Variants in PIWIL4 observed in about 807,000 individuals in gnomAD.
The protein encoded by PIWIL4 is piwi like RNA-mediated gene silencing 4, also known as piwi-like protein 4.
Under a neutral mutation model 100.9 loss-of-function variants are expected in PIWIL4, and 50 were observed. The observed-to-expected ratio is 0.50, with a 90% CI of 0.39 to 0.63. The LOEUF is 0.63. Among genes scored for constraint, PIWIL4 ranks in the 20% least tolerant of loss-of-function variants. The pLI is 0.00. For missense variants in PIWIL4, 887 were observed against 1,043.3 expected (o/e 0.85, Z 2.06); for synonymous variants, 342 against 367.5 (o/e 0.93, Z 0.79).
chr11:94,585,512 A>G lies in PIWIL4; in HGVS notation c.703A>G (p.Ile235Val), dbSNP rs1471731601. Reference sequence around the variant, plus strand: ...CTATAATCCTTCAGAGCCAATGGAAATTCCCCAGCACAAGTAGGTTTATTT... The same window carrying G: ...CTATAATCCTTCAGAGCCAATGGAAGTTCCCCAGCACAAGTAGGTTTATTT... ...NFYNPSEPME[I>V]PQHKLSLWPG... Residue 235 changes from isoleucine to valine, a missense_variant, in exon 6 of 20, where the codon ATT (isoleucine) becomes GTT (valine). By Grantham distance (29) the Ile-to-Val change is conservative (BLOSUM62 3). This residue lies in a region of PIWIL4 where 741 missense variants were observed against 930.0 expected (regional missense o/e 0.80). Transcript: ENST00000299001. 6 of 1,608,236 alleles carry G rather than the reference A, an allele frequency of 3.7e-6. No homozygotes were observed. The highest frequency in any genetic ancestry group is 8.5e-7 in the Non-Finnish European group (1 of 1,177,162).
Position 94,567,535 on chromosome 11 carries a change from G to C in PIWIL4, c.17G>C (p.Arg6Pro). 1 of 1,601,932 alleles carries C rather than the reference G, an allele frequency of 6.2e-7. No homozygotes were observed. ...ACCGGGAACATGAGTGGAAGAGCCCGAGTGAAGGCCAGAGGCATCGCCCGC... is the reference window on the plus strand; with the variant it reads ...ACCGGGAACATGAGTGGAAGAGCCCCAGTGAAGGCCAGAGGCATCGCCCGC... MSGRA[R>P]VKARGIARSP... Residue 6 changes from arginine (R) to proline (P), a missense_variant, in exon 1 of 20, where the codon CGA becomes CCA. Physicochemically the swap from Arg to Pro is moderately radical, Grantham distance 103. Around this residue, in one of 2 missense-constraint regions of PIWIL4, gnomAD observed 146 missense variants for 113.4 expected, o/e 1.29. Coordinates refer to ENST00000299001, the MANE Select transcript of PIWIL4 (RefSeq NM_152431.3).
intron 2 of PIWIL4, among the ~76,000 whole-genome samples, chr11:94,569,329 T>C (rs1948115991): frequency 6.6e-6 from 1 of 152,032 alleles, no homozygotes; most frequent in Non-Finnish European, 1.5e-5. Context: ...GCATGTCTTG[T>C]AGCAACATGG....
At chr11:94,597,962 T>C (rs1948577601) in intron 11 of PIWIL4, 47 bp downstream of exon 11, 1 of 1,472,552 alleles carries the variant, frequency 6.8e-7, no homozygotes, top group Non-Finnish European at 9.4e-7. Context: ...TACTTGAATA[T>C]GTGTAAGTTT....
chr11:94,595,261 A>T, intron 9 of PIWIL4, 48 bp from the exon 10 acceptor site: 1 of 1,519,556 alleles, frequency 6.6e-7, no homozygotes, highest in Non-Finnish European at 9.1e-7. Flanking sequence ...TGATGGGCTG[A>T]GTTGCTTATG....
chr11:94,614,020 C>T (rs1454835833), intron 15 of PIWIL4, among the ~76,000 whole-genome samples: 1 of 152,088 alleles, frequency 6.6e-6, no homozygotes, highest in Non-Finnish European at 1.5e-5. Context: ...CCTCAGCCTC[C>T]CAAAGTGCTG....
intron 11 of PIWIL4, among the ~76,000 whole-genome samples, chr11:94,598,734 G>T (rs1168003280): frequency 7.1e-6 from 1 of 140,000 alleles, no homozygotes; most frequent in African/African-American, 2.7e-5. Context: ...TTTGAGACAG[G>T]TCTCATTCTG....
rs1948109861 is a variant in PIWIL4, at chr11:94,568,794, G to A, written c.152G>A (p.Arg51Lys). The change falls in exon 2 of 20, where the codon AGG becomes AAG. Residue 51 changes from arginine (R) to lysine (K), a missense_variant. Physicochemically the swap from Arg to Lys is conservative, Grantham distance 26. This residue lies in a region of PIWIL4 where 146 missense variants were observed against 113.4 expected (regional missense o/e 1.29). Coordinates refer to ENST00000299001, the MANE Select transcript of PIWIL4 (RefSeq NM_152431.3). ...AGCAATGGCTTCTTGGGAACAAGCAGGATCTCAACCAACGGTAAGTGCAGC... is the reference window on the plus strand; with the variant it reads ...AGCAATGGCTTCTTGGGAACAAGCAAGATCTCAACCAACGGTAAGTGCAGC... ...SSSNGFLGTSRISTNDKYGIS... is the reference protein window; with the variant it reads ...SSSNGFLGTSKISTNDKYGIS... 1.2e-6 allele frequency: 2 copies of A among 1,602,736 alleles called. No individual in the cohort carries two copies. Among genetic ancestry groups the A allele is most frequent in the Admixed American group, 1.7e-5 (1 of 59,982 alleles).
chr11:94,593,703 T>C (rs2135270352), intron 9 of PIWIL4, 62 bp downstream of exon 9: 2 of 1,560,858 alleles, frequency 1.3e-6, no homozygotes, highest in East Asian at 2.3e-5. Context: ...TGCTTGGCAG[T>C]GGGCAGACCC....
intron 7 of PIWIL4, among the ~76,000 whole-genome samples, chr11:94,588,420 A>C (rs1187718238): frequency 1.3e-5 from 2 of 152,186 alleles, no homozygotes; most frequent in African/African-American, 4.8e-5. Context: ...GCTGGATTCC[A>C]CACTACTCGG....
chr11:94,614,771 T>C (rs1565284440), intron 15 of PIWIL4, among the ~76,000 whole-genome samples: 1 of 152,214 alleles, frequency 6.6e-6, no homozygotes, highest in Non-Finnish European at 1.5e-5. Flanking sequence ...TTTCTATTCA[T>C]GTGCCCACTC....
chr11:94,579,901 C>G (rs1948290171), intron 4 of PIWIL4, among the ~76,000 whole-genome samples: 1 of 152,150 alleles, frequency 6.6e-6, no homozygotes, highest in Non-Finnish European at 1.5e-5. Flanking sequence ...AGATACATTT[C>G]TAGCACTAGT....
intron 4 of PIWIL4, among the ~76,000 whole-genome samples, chr11:94,580,768 T>C (rs1948299903): frequency 6.6e-6 from 1 of 152,170 alleles, no homozygotes; most frequent in Admixed American, 6.5e-5. Flanking sequence ...TTCTCCAGGT[T>C]ATCCTCAACA....
intron 16 of PIWIL4, among the ~76,000 whole-genome samples, chr11:94,617,386 T>C (rs777182169): frequency 8.5e-5 from 13 of 152,114 alleles, no homozygotes; most frequent in Non-Finnish European, 1.8e-4. Flanking sequence ...AGGTTTTCGT[T>C]GGGTAGCAGT....
In PIWIL4 at chr11:94,601,812, T is replaced by A; in HGVS notation, c.1398T>A (p.Ala466=). The A allele has an allele frequency of 6.2e-7, 1 of 1,613,974 alleles. No individual in the cohort carries two copies. The highest frequency in any genetic ancestry group is 1.1e-5 in the South Asian group (1 of 91,024). ...MQDHICQPVS[A]ADWSKDIRTC... is the part of the protein sequence containing the mutation. ...TTTCTCAGTGTCAACCTGTGTCTGC[T>A]GCTGACTGGTCCAAGGATATTCGAA... Residue 466 remains alanine (A), a synonymous_variant, in exon 12 of 20, where the codon GCT becomes GCA. Transcript: ENST00000299001.
At chr11:94,587,342 C>A (rs974728713) in intron 7 of PIWIL4, 95 bp downstream of exon 7, 1 of 1,243,444 alleles carries the variant, frequency 8.0e-7, no homozygotes, top group Non-Finnish European at 1.1e-6. Context: ...CCCAATATCA[C>A]AGATCTAATC....
rs189267325 is a variant in PIWIL4 at position 94,572,721 on chromosome 11, G to A, written c.167-2278G>A. 7.9e-4 allele frequency among the ~76,000 whole-genome samples: 121 copies of A among 152,306 alleles called. 1 individual carries two copies. Among genetic ancestry groups the A allele is most frequent in the South Asian group, 5.8e-3 (28 of 4,828 alleles). On this transcript the variant is annotated intron_variant, in intron 2 of 19. Transcript: ENST00000299001. ...GTAGTATAATTTGAAGCCAGGTAGCGTGATGCTGCCAGCTTTGTTCTTTTG... is the reference window on the plus strand; with the variant it reads ...GTAGTATAATTTGAAGCCAGGTAGCATGATGCTGCCAGCTTTGTTCTTTTG...
At chr11:94,614,955 G>T (rs1948829944) in intron 15 of PIWIL4, among the ~76,000 whole-genome samples, 1 of 152,188 alleles carries the variant, frequency 6.6e-6, no homozygotes, top group African/African-American at 2.4e-5. Flanking sequence ...CTATCTGTTT[G>T]TGTGAAATGC....
Position 94,577,560 on chromosome 11 carries a change from CAT to C in PIWIL4, c.513+75_513+76del, listed in dbSNP as rs1474602354. ...TTTATTATATGTGTATACACACACA[CAT>C]ATATATGCATATGCAAGGAGATTCC... On this transcript the variant is annotated intron_variant, in intron 4 of 19. Coordinates refer to ENST00000299001, the MANE Select transcript of PIWIL4 (RefSeq NM_152431.3). 3.5e-6 allele frequency: 4 copies of C among 1,140,818 alleles called. No individual in the cohort carries two copies. In the African/African-American group the frequency reaches 4.7e-5, roughly 13 times the overall value. The allele number at this position is 1,140,818 out of a possible 1,614,324, so 70.7% of individuals were successfully genotyped here. A position where few individuals can be genotyped will look rare whatever the true frequency, so the allele number is the denominator to read the frequency against.
rs774449382 is a variant in PIWIL4 at position 94,607,573 on chromosome 11, C to G, written c.1773C>G (p.Ile591Met). Residue 591 changes from isoleucine to methionine, a missense_variant, in exon 14 of 20, where the codon ATC (isoleucine) becomes ATG (methionine). Coordinates refer to ENST00000299001, the MANE Select transcript of PIWIL4 (RefSeq NM_152431.3). The stretch of plus-strand genomic sequence containing the variant: ...ATAAACAGGGCATGATGATGAGTAT[C>G]GCCACCAAGATCGCTATGCAGATGA... ...TLNKQGMMMS[I>M]ATKIAMQMTC... 3 of 1,614,074 alleles carry G rather than the reference C, an allele frequency of 1.9e-6. No individual in the cohort carries two copies. The East Asian group carries it at 6.7e-5, about 36-fold the overall frequency.
Sources: allele counts gnomAD v4.1 joint callset (sites outside exome capture counted in the v4.1 genomes callset), GRCh38; gene constraint gnomAD v4.1.1; regional missense constraint gnomAD v4.1.1; transcripts MANE v1.5; gene names NCBI Gene and HGNC (gene_info 2026-07-23, HGNC 2026-07-21).